The following SH2D4A variants were observed in gnomAD, a reference collection of about 807,000 sequenced individuals.
The protein encoded by SH2D4A is SH2 domain-containing protein 4A.
Under a neutral mutation model 64.7 loss-of-function variants are expected in SH2D4A, and 70 were observed. The ratio of observed to expected loss-of-function variants is 1.08; its 90% CI spans 0.89 to 1.32. The LOEUF (loss-of-function observed/expected upper bound fraction) is 1.32, where lower values mean the gene tolerates loss of function less well. SH2D4A is among the 40% of genes most tolerant of loss of function. The pLI is 0.00. For synonymous variants in SH2D4A, 268 were observed against 200.7 expected (o/e 1.34, Z -2.83); for missense variants, 706 against 540.1 (o/e 1.31, Z -3.04).
At chr8:19,391,881 T>A (rs2053499105) in intron 8 of SH2D4A, among the ~76,000 whole-genome samples, 1 of 152,198 alleles carries the variant, frequency 6.6e-6, no homozygotes, top group South Asian at 2.1e-4. Context: ...TGTTTTGTTT[T>A]CCTGATAATA....
intron 1 of SH2D4A, among the ~76,000 whole-genome samples, chr8:19,318,000 C>T (rs1419478490): frequency 6.6e-6 from 1 of 152,006 alleles, no homozygotes; most frequent in Non-Finnish European, 1.5e-5. Flanking sequence ...GTCCTAGGTT[C>T]AAGCGATCTC....
At chr8:19,387,692 C>G (rs547109997) in intron 8 of SH2D4A, among the ~76,000 whole-genome samples, 1 of 152,196 alleles carries the variant, frequency 6.6e-6, no homozygotes, top group Non-Finnish European at 1.5e-5. Flanking sequence ...GGCCACAGTG[C>G]CTGGCTTCAA....
intron 7 of SH2D4A, among the ~76,000 whole-genome samples, chr8:19,365,510 C>T (rs1447694177): frequency 6.6e-6 from 1 of 152,194 alleles, no homozygotes; most frequent in East Asian, 1.9e-4. Context: ...AGAGCCTCAG[C>T]AGGGATGTTT....
chr8:19,379,370 T>C (rs1014585743), intron 8 of SH2D4A, among the ~76,000 whole-genome samples: 1 of 152,218 alleles, frequency 6.6e-6, no homozygotes, highest in African/African-American at 2.4e-5. Context: ...CAAATCAGAA[T>C]AATACTCCCT....
At chr8:19,331,461 T>C (rs999959923) in intron 2 of SH2D4A, among the ~76,000 whole-genome samples, 1 of 152,168 alleles carries the variant, frequency 6.6e-6, no homozygotes, top group African/African-American at 2.4e-5. Context: ...TGGTCTCTGT[T>C]GGCCTCTCCT....
intron 8 of SH2D4A, among the ~76,000 whole-genome samples, chr8:19,385,897 C>T (rs1380927529): frequency 3.3e-5 from 5 of 152,168 alleles, no homozygotes; most frequent in African/African-American, 1.2e-4. Flanking sequence ...AATATTCTGC[C>T]CACCTGTCAC....
At chr8:19,366,706 C>T (rs918644295) in intron 7 of SH2D4A, among the ~76,000 whole-genome samples, 3 of 152,138 alleles carry the variant, frequency 2.0e-5, no homozygotes, top group Non-Finnish European at 4.4e-5. Flanking sequence ...GCAGGAGAAT[C>T]ACTTGAACCC....
intron 1 of SH2D4A, among the ~76,000 whole-genome samples, chr8:19,316,171 C>G (rs930623191): frequency 1.3e-5 from 2 of 152,172 alleles, no homozygotes; most frequent in African/African-American, 4.8e-5. Flanking sequence ...ATGGCCACAT[C>G]GTCAACGGCC....
At chr8:19,343,272 A>G (rs2052557100) in intron 4 of SH2D4A, among the ~76,000 whole-genome samples, 1 of 152,154 alleles carries the variant, frequency 6.6e-6, no homozygotes, top group Non-Finnish European at 1.5e-5. Context: ...AGAAATTAAA[A>G]AAAAGAAAAA....
chr8:19,367,596 A>G (rs1235599900), intron 7 of SH2D4A, among the ~76,000 whole-genome samples: 4 of 151,956 alleles, frequency 2.6e-5, no homozygotes, highest in East Asian at 1.9e-4. Flanking sequence ...TTTTTTTGCT[A>G]TTGAGTTTGA....
At chr8:19,391,866 GTTA>G (rs1157618706) in intron 8 of SH2D4A, among the ~76,000 whole-genome samples, 1 of 152,204 alleles carries the variant, frequency 6.6e-6, no homozygotes, top group African/African-American at 2.4e-5. Flanking sequence ...AGGTGGTTCT[GTTA>G]TTGTTTTGTT....
intron 8 of SH2D4A, among the ~76,000 whole-genome samples, chr8:19,386,359 A>G (rs1465469710): frequency 6.6e-6 from 1 of 152,236 alleles, no homozygotes; most frequent in Non-Finnish European, 1.5e-5. Context: ...TTTTCCTGGA[A>G]GAAGCTGACT....
intron 4 of SH2D4A, among the ~76,000 whole-genome samples, chr8:19,338,259 T>C (rs940748717): frequency 6.6e-6 from 1 of 152,222 alleles, no homozygotes; most frequent in Admixed American, 6.5e-5. Context: ...ATTTGAATCC[T>C]GCATCCCTCA....
chr8:19,339,495 CTTTTTTTTT>C (rs5889867), intron 4 of SH2D4A, among the ~76,000 whole-genome samples: 2 of 129,026 alleles, frequency 1.6e-5, no homozygotes, highest in Non-Finnish European at 3.1e-5. Context: ...TATAAACTTT[CTTTTTTTTT>C]TTTTTTTTTC....
chr8:19,344,690 T>G (rs569153490), intron 4 of SH2D4A, among the ~76,000 whole-genome samples: 1 of 152,274 alleles, frequency 6.6e-6, no homozygotes, highest in Admixed American at 6.5e-5. Flanking sequence ...ACAGCTACCA[T>G]ACCCCTGTAG....
At chr8:19,356,529 TAAG>T (rs905158579) in intron 4 of SH2D4A, among the ~76,000 whole-genome samples, 1 of 152,124 alleles carries the variant, frequency 6.6e-6, no homozygotes, top group African/African-American at 2.4e-5. Context: ...GCCTGTGTCT[TAAG>T]AAGCACCCAT....
intron 9 of SH2D4A, among the ~76,000 whole-genome samples, chr8:19,394,340 G>A (rs1427777141): frequency 6.6e-6 from 1 of 152,172 alleles, no homozygotes; most frequent in Non-Finnish European, 1.5e-5. Flanking sequence ...TGACCTATGA[G>A]AATTCATAGG....
intron 4 of SH2D4A, among the ~76,000 whole-genome samples, chr8:19,338,745 G>A (rs1199399352): frequency 1.3e-5 from 2 of 152,166 alleles, no homozygotes; most frequent in Admixed American, 6.5e-5. Context: ...CTGACCTACC[G>A]AAATGTACCA....
At chr8:19,321,898 T>C (rs1435540501) in intron 2 of SH2D4A, among the ~76,000 whole-genome samples, 1 of 152,200 alleles carries the variant, frequency 6.6e-6, no homozygotes, top group East Asian at 1.9e-4. Context: ...CTTAAAATAA[T>C]AATTTCAGTT....
Sources: allele counts gnomAD v4.1 joint callset (sites outside exome capture counted in the v4.1 genomes callset), GRCh38; gene constraint gnomAD v4.1.1; transcripts MANE v1.5; gene names NCBI Gene and HGNC (gene_info 2026-07-23, HGNC 2026-07-21).